The following CLDN18 variants were observed in gnomAD, a reference collection of about 807,000 sequenced individuals.
CLDN18 encodes the protein claudin 18.
A neutral mutation model predicts 25.0 loss-of-function variants in CLDN18; 20 were observed. The ratio of observed to expected loss-of-function variants is 0.80; its 90% confidence interval spans 0.56 to 1.16. The LOEUF is 1.16. Ranked by LOEUF, CLDN18 falls within the 50% of genes most tolerant of loss-of-function variation. The probability of loss-of-function intolerance (pLI) is 0.00; values close to 1 mark genes in which losing one functional copy is unlikely to be tolerated. For missense variants in CLDN18, 297 were observed against 345.4 expected, an observed-to-expected ratio of 0.86 and a Z score of 1.11; for synonymous variants, 125 against 135.6, an observed-to-expected ratio of 0.92 and a Z score of 0.54.
chr3:138,010,502 G>T (rs1288005878), intron 1 of CLDN18, 57 bp downstream of exon 1: 2 of 1,600,138 alleles, frequency 1.2e-6, no homozygotes, highest in Non-Finnish European at 1.7e-6. Flanking sequence ...AGGGAAGGGG[G>T]CGTTTGCGTT....
upstream of CLDN18, chr3:138,009,924 A>C: frequency 2.7e-6 from 1 of 366,144 alleles, no homozygotes; most frequent in Non-Finnish European, 5.1e-6. Flanking sequence ...AGCTGGAGGG[A>C]GGCCGGTCTG....
At chr3:138,000,889 T>C (rs1219167613) in intron 1 of CLDN18, among the ~76,000 whole-genome samples, 4 of 152,372 alleles carry the variant, frequency 2.6e-5, no homozygotes, top group Admixed American at 6.5e-5. Flanking sequence ...CCTCGGTCCA[T>C]GCAGTTACAG....
At chr3:138,004,774 T>G (rs1942052537) in intron 1 of CLDN18, 1 of 150,902 alleles carries the variant, frequency 6.6e-6, no homozygotes, top group Non-Finnish European at 1.5e-5. Context: ...ATTAAATATT[T>G]AAAAATATAA....
At chr3:138,028,655 C>A (rs1001341865) in intron 3 of CLDN18, among the ~76,000 whole-genome samples, 1 of 152,246 alleles carries the variant, frequency 6.6e-6, no homozygotes, top group Non-Finnish European at 1.5e-5. Flanking sequence ...TACGCACTGA[C>A]ATCCTAATAG....
At chr3:138,022,827 C>A (rs1320517721) in intron 1 of CLDN18, among the ~76,000 whole-genome samples, 1 of 152,250 alleles carries the variant, frequency 6.6e-6, no homozygotes, top group Non-Finnish European at 1.5e-5. Flanking sequence ...CATGTCTGAC[C>A]TGTTGTTAAC....
intron 1 of CLDN18, among the ~76,000 whole-genome samples, chr3:138,022,528 A>G (rs766639039): frequency 6.6e-6 from 1 of 152,252 alleles, no homozygotes; most frequent in Non-Finnish European, 1.5e-5. Flanking sequence ...TAAATTTTTA[A>G]GTAGTTTGAA....
chr3:138,011,605 G>A (rs780328509), intron 1 of CLDN18, among the ~76,000 whole-genome samples: 4 of 152,118 alleles, frequency 2.6e-5, no homozygotes, highest in Non-Finnish European at 4.4e-5. Flanking sequence ...GTAGTGGGAG[G>A]GGAGAGGTGA....
At position 138,010,369 on chromosome 3, in the gene CLDN18, G is replaced by A. The variant is rs1942121244; in HGVS notation, c.144G>A (p.Gly48=). The A allele has an allele frequency of 1.9e-6, 3 of 1,614,226 alleles. No homozygotes were observed. The East Asian group carries it at 6.7e-5, about 36-fold the overall frequency. The part of the protein sequence containing the change: ...NPVTSVFQYE[G]LWRSCVRQSS... ...TCACCTCCGTGTTCCAGTACGAAGG[G>A]CTCTGGAGGAGCTGCGTGAGGCAGA... Residue 48 remains glycine, a synonymous_variant, in exon 1 of 5, where the codon GGG becomes GGA. Coordinates refer to ENST00000183605, the MANE Select transcript of CLDN18 (RefSeq NM_016369.4).
exon 1 of CLDN18, chr3:137,999,054 G>A (rs1261583635): frequency 1.2e-6 from 2 of 1,614,204 alleles, no homozygotes; most frequent in East Asian, 2.2e-5. Flanking sequence ...GCTTCACCGA[G>A]TGCCGGGGCT....
intron 1 of CLDN18, among the ~76,000 whole-genome samples, chr3:138,003,548 C>A (rs1942039695): frequency 6.6e-6 from 1 of 152,076 alleles, no homozygotes; most frequent in African/African-American, 2.4e-5. Context: ...GTGCACAGTA[C>A]AATGAGATAC....
At chr3:138,003,895 G>A (rs555372043) in intron 1 of CLDN18, among the ~76,000 whole-genome samples, 52 of 152,172 alleles carry the variant, frequency 3.4e-4, no homozygotes, top group Middle Eastern at 3.4e-3. Context: ...GTTTAGGCCC[G>A]GCACGGTGAC....
chr3:137,999,991 G>T (rs1259470024), intron 1 of CLDN18, among the ~76,000 whole-genome samples: 1 of 152,072 alleles, frequency 6.6e-6, no homozygotes, highest in Non-Finnish European at 1.5e-5. Context: ...GATCTAAGGG[G>T]GGCAATGTAA....
rs1942419032 is a variant in CLDN18, at chr3:138,033,354, T to TAAG, written c.*2214_*2216dup. 6.6e-6 allele frequency: 1 copy of TAAG among 152,320 alleles called. No individual in the cohort carries two copies. The highest frequency in any genetic ancestry group is 6.5e-5 in the Admixed American group (1 of 15,300). The allele number at this position is 152,320 out of a possible 1,614,324, so 9.4% of individuals were successfully genotyped here. ...GAGCAATCTAGAGCATGGAGTTTGT[T>TAAG]AAGTGCTCTCTGGATTTGAGTTGAA... On this transcript the variant is annotated 3_prime_UTR_variant, in exon 5 of 5. Coordinates refer to ENST00000183605, the MANE Select transcript of CLDN18 (RefSeq NM_016369.4).
intron 1 of CLDN18, among the ~76,000 whole-genome samples, chr3:138,020,188 T>A (rs1284599994): frequency 6.6e-6 from 1 of 151,940 alleles, no homozygotes; most frequent in Non-Finnish European, 1.5e-5. Flanking sequence ...ACATAGGGGG[T>A]TTCTGGCAAT....
intron 1 of CLDN18, among the ~76,000 whole-genome samples, chr3:138,004,418 C>T (rs1942047298): frequency 6.6e-6 from 1 of 151,304 alleles, no homozygotes; most frequent in South Asian, 2.1e-4. Context: ...GGGAACTTGA[C>T]AAAGTGTCTA....
At position 138,001,832 on chromosome 3, in the gene CLDN18, C is replaced by A. The variant is rs1047019714; in HGVS notation, c.220+2744C>A. On this transcript the variant is annotated intron_variant, in intron 1 of 4. Transcript: ENST00000343735. ...GTTATTTTAATATATACAAGTATAA[C>A]AATAGACTTCAATTCCTTATGCATA... Among the ~76,000 whole-genome samples, 69 of 152,120 alleles carry A rather than the reference C, an allele frequency of 4.5e-4. 1 individual carries two copies. The highest frequency in any genetic ancestry group is 1.6e-3 in the African/African-American group (67 of 41,522).
chr3:138,029,619 C>T (rs1167487705), intron 3 of CLDN18, among the ~76,000 whole-genome samples, 178 bp from the exon 4 acceptor site: 1 of 152,154 alleles, frequency 6.6e-6, no homozygotes, highest in African/African-American at 2.4e-5. Context: ...CCCAATTCTA[C>T]TCTCCAGGGT....
In CLDN18 at chr3:138,000,883, G is replaced by A. The variant is rs558973930; in HGVS notation, c.220+1795G>A. ...AAACCTGCCCAGTGGCTAGGACCTCGGTCCATGCAGTTACAGGCCATAGTG... is the reference window on the plus strand; with the variant it reads ...AAACCTGCCCAGTGGCTAGGACCTCAGTCCATGCAGTTACAGGCCATAGTG... On this transcript the variant is annotated intron_variant, in intron 1 of 4. Transcript: ENST00000343735. Among the ~76,000 whole-genome samples the A allele has an allele frequency of 1.1e-3, 167 of 152,332 alleles. 2 individuals carry two copies. Among genetic ancestry groups the A allele is most frequent in the South Asian group, 2.9e-3 (14 of 4,828 alleles).
At chr3:138,024,153 G>T (rs1051400063) in intron 2 of CLDN18, among the ~76,000 whole-genome samples, 2 of 149,286 alleles carry the variant, frequency 1.3e-5, no homozygotes, top group East Asian at 2.0e-4. Flanking sequence ...TCGATTAAAA[G>T]AAAATTTTTT....
Sources: allele counts gnomAD v4.1 joint callset (sites outside exome capture counted in the v4.1 genomes callset), GRCh38; gene constraint gnomAD v4.1.1; transcripts MANE v1.5; gene names NCBI Gene and HGNC (gene_info 2026-07-23, HGNC 2026-07-21).